Variants in PRKCH observed in about 807,000 individuals in gnomAD.
The protein encoded by PRKCH is protein kinase C eta type.
In PRKCH, 28 loss-of-function variants were observed where a neutral mutation model predicts 82.5. That is an observed-to-expected ratio of 0.34 (90% CI 0.25 to 0.47). The LOEUF (loss-of-function observed/expected upper bound fraction) is 0.47. Among genes scored for constraint, PRKCH ranks in the 20% least tolerant of loss-of-function variants. PRKCH has a pLI of 1.00. For missense variants in PRKCH, 705 were observed against 881.8 expected (o/e 0.80, Z 2.54); for synonymous variants, 322 against 327.4 (o/e 0.98, Z 0.18).
chr14:61,354,071 TC>T (rs1457806764), intron 1 of PRKCH: 1 of 152,168 alleles, frequency 6.6e-6, no homozygotes, highest in Non-Finnish European at 1.5e-5. Context: ...ACATTGCAAT[TC>T]CTAAGGGGAC....
chr14:61,240,435 T>G (rs1272556862), intron 1 of PRKCH, among the ~76,000 whole-genome samples: 4 of 152,110 alleles, frequency 2.6e-5, no homozygotes, highest in Non-Finnish European at 5.9e-5. Flanking sequence ...CGAGTTGCCA[T>G]GAAGTCCTGC....
At chr14:61,427,709 C>T (rs895197022) in intron 2 of PRKCH, among the ~76,000 whole-genome samples, 2 of 152,058 alleles carry the variant, frequency 1.3e-5, no homozygotes, top group Non-Finnish European at 2.9e-5. Flanking sequence ...GCCTCAGCTG[C>T]CCAAGTAGCT....
At chr14:61,372,802 A>G (rs928942616) in intron 1 of PRKCH, among the ~76,000 whole-genome samples, 5 of 152,032 alleles carry the variant, frequency 3.3e-5, no homozygotes, top group Admixed American at 6.5e-5. Flanking sequence ...TTTAAATTGC[A>G]TATATTCAAG....
At chr14:61,428,112 C>CATATATATATATATATATATATATATAT (rs112740584) in intron 2 of PRKCH, among the ~76,000 whole-genome samples, 20 of 145,582 alleles carry the variant, frequency 1.4e-4, no homozygotes, top group African/African-American at 4.8e-4. Context: ...TATATACACA[C>CATATATATATATATATATATATATATAT]ATATATATAT....
intron 1 of PRKCH, among the ~76,000 whole-genome samples, chr14:61,343,286 G>T (rs1192065377): frequency 7.4e-6 from 1 of 134,386 alleles, no homozygotes; most frequent in Non-Finnish European, 1.5e-5. Flanking sequence ...ATCTGAAATA[G>T]TTATAACCCA....
intron 1 of PRKCH, among the ~76,000 whole-genome samples, chr14:61,386,028 G>C (rs912709049): frequency 6.6e-6 from 1 of 152,178 alleles, no homozygotes; most frequent in Non-Finnish European, 1.5e-5. Context: ...CAAATCACTA[G>C]GCAATAAGCT....
chr14:61,430,749 C>A (rs1414477875), intron 2 of PRKCH, among the ~76,000 whole-genome samples: 5 of 133,432 alleles, frequency 3.7e-5, no homozygotes, highest in African/African-American at 1.3e-4. Context: ...AGCTCTTAAT[C>A]AGCAGCTTCC....
At chr14:61,547,097 C>T (rs546529482) in intron 12 of PRKCH, among the ~76,000 whole-genome samples, 9 of 152,280 alleles carry the variant, frequency 5.9e-5, no homozygotes, top group African/African-American at 1.9e-4. Flanking sequence ...AGTCATTGAA[C>T]CTACTTCGAA....
intron 1 of PRKCH, among the ~76,000 whole-genome samples, chr14:61,224,435 G>T (rs1329323114): frequency 6.6e-6 from 1 of 152,072 alleles, no homozygotes; most frequent in Admixed American, 6.5e-5. Context: ...TCTGGTCTAG[G>T]ACCCCATCTG....
chr14:61,200,254 G>C (rs1295565770), intron 1 of PRKCH, among the ~76,000 whole-genome samples: 1 of 152,060 alleles, frequency 6.6e-6, no homozygotes, highest in Non-Finnish European at 1.5e-5. Context: ...TACCATAAGA[G>C]CTTAAAACCA....
intron 10 of PRKCH, among the ~76,000 whole-genome samples, chr14:61,527,180 C>T (rs1452584656): frequency 6.6e-6 from 1 of 152,162 alleles, no homozygotes; most frequent in Non-Finnish European, 1.5e-5. Context: ...GGACTCTTTA[C>T]CAAACAATCC....
At chr14:61,472,374 A>G (rs1885543288) in intron 9 of PRKCH, among the ~76,000 whole-genome samples, 1 of 152,240 alleles carries the variant, frequency 6.6e-6, no homozygotes, top group African/African-American at 2.4e-5. Flanking sequence ...GCATCCTCCC[A>G]AACCTGAACT....
At chr14:61,367,673 A>G (rs2046313617) in intron 1 of PRKCH, among the ~76,000 whole-genome samples, 1 of 150,552 alleles carries the variant, frequency 6.6e-6, no homozygotes, top group Non-Finnish European at 1.5e-5. Flanking sequence ...CTTGGTAACA[A>G]CTACAATGAA....
chr14:61,527,277 T>TCTA (rs10625829), intron 10 of PRKCH, among the ~76,000 whole-genome samples: 148,791 of 152,160 alleles, frequency 0.98, 72,816 homozygotes, highest in East Asian at 1. Context: ...GTCTCCATAA[T>TCTA]CTAGGCTTCT....
Position 61,280,791 on chromosome 14 carries a change from CT to C in PRKCH, c.-19+93124del, listed in dbSNP as rs781507798. On this transcript the variant is annotated intron_variant, in intron 1 of 3. Coordinates refer to the PRKCH transcript ENST00000555185. The surrounding 1 kb of genome is among the most constrained non-coding windows in gnomAD (Gnocchi z 5.0). ...GGGACACGCCGTAGCGCCGGTTGTT[CT>C]GGTAGAAGTTGGTCAGCTCGTAGTA... 73 of 1,558,326 alleles carry C rather than the reference CT, an allele frequency of 4.7e-5. No individual in the cohort carries two copies. Among genetic ancestry groups the C allele is most frequent in the Non-Finnish European group, 6.2e-5 (72 of 1,161,064 alleles).
chr14:61,383,582 C>T lies in PRKCH; in HGVS notation c.364-7643C>T, dbSNP rs1430343707. On this transcript the variant is annotated intron_variant, in intron 1 of 13. Transcript: ENST00000332981. ...TCTGCTGCTCATGAAGCTGTGTCAT[C>T]TTCTGTGCTCGGTAACCCATCCAAC... Among the ~76,000 whole-genome samples the T allele has an allele frequency of 3.3e-5, 5 of 152,118 alleles. No individual in the cohort carries two copies. In the East Asian group the frequency reaches 9.6e-4, roughly 29 times the overall value.
intron 10 of PRKCH, among the ~76,000 whole-genome samples, chr14:61,514,706 T>A (rs1285404854): frequency 6.6e-6 from 1 of 152,158 alleles, no homozygotes; most frequent in African/African-American, 2.4e-5. Flanking sequence ...AATAGCCATT[T>A]ATTATGGGCC....
At chr14:61,460,038 G>T (rs1164077362) in intron 9 of PRKCH, among the ~76,000 whole-genome samples, 7 of 151,964 alleles carry the variant, frequency 4.6e-5, no homozygotes, top group African/African-American at 1.7e-4. Flanking sequence ...GTAGAGATGG[G>T]GTTTTGCCAT....
At chr14:61,472,203 G>A (rs180912310) in intron 9 of PRKCH, among the ~76,000 whole-genome samples, 31 of 152,310 alleles carry the variant, frequency 2.0e-4, no homozygotes, top group African/African-American at 7.0e-4. Context: ...GAGCCTGGGG[G>A]CATCCAGGGA....
Sources: allele counts gnomAD v4.1 joint callset (sites outside exome capture counted in the v4.1 genomes callset), GRCh38; gene constraint gnomAD v4.1.1; non-coding constraint Gnocchi (gnomAD v3.1); transcripts MANE v1.5; gene names NCBI Gene and HGNC (gene_info 2026-07-23, HGNC 2026-07-21).